Variants in ATAD2B observed in about 807,000 individuals in gnomAD.
The protein encoded by ATAD2B is ATPase family AAA domain containing 2B.
A neutral mutation model predicts 167.6 loss-of-function variants in ATAD2B; 40 were observed. The observed-to-expected ratio is 0.24, with a 90% CI of 0.19 to 0.31. The LOEUF is 0.31. Ranked by LOEUF, ATAD2B falls within the 10% of genes least tolerant of loss-of-function variation. The pLI, the probability that ATAD2B is intolerant of heterozygous loss-of-function variation, is 1.00. For missense variants in ATAD2B, 1,242 were observed against 1,757.2 expected (o/e 0.71, Z 5.24); for synonymous variants, 579 against 596.5 (o/e 0.97, Z 0.43).
Position 23,819,811 on chromosome 2 carries a change from A to G in ATAD2B, c.2203T>C (p.Ser735Pro). ...GATGACTGTTTCTTTGGTGATCCTG[A>G]GTGACAATTGGTCTCAAAAATTGAT... Reference protein sequence around the residue: ...ALSIFETNCHSGSPKKQSSSA... With the variant: ...ALSIFETNCHPGSPKKQSSSA... The change falls in exon 17 of 28, where the codon TCA (serine) becomes CCA (proline). Residue 735 changes from serine (S) to proline (P), a missense_variant. Physicochemically the swap from Ser to Pro is moderately conservative, Grantham distance 74. This residue lies in a region of ATAD2B where 145 missense variants were observed against 181.9 expected (regional missense o/e 0.80). Transcript: ENST00000238789. The G allele has an allele frequency of 6.2e-7, 1 of 1,606,462 alleles. No homozygotes were observed. Among genetic ancestry groups the G allele is most frequent in the Non-Finnish European group, 8.5e-7 (1 of 1,173,386 alleles).
At position 23,859,723 on chromosome 2, in the gene ATAD2B, G is replaced by A. The variant is rs148845335; in HGVS notation, c.1480-2220C>T. Among the ~76,000 whole-genome samples the A allele has an allele frequency of 9.5e-3, 1,445 of 152,066 alleles. 16 individuals carry two copies. Among genetic ancestry groups the A allele is most frequent in the South Asian group, 0.05 (241 of 4,814 alleles). On this transcript the variant is annotated intron_variant, in intron 12 of 27. Transcript: ENST00000238789. ...AGCACTTTGGGAGGTCGAGACAGGC[G>A]GATCTCTTGAGGTCAGAAGTTCGAG...
rs760094499 is a variant in ATAD2B, at chr2:23,926,716, G to A, written c.55C>T (p.Pro19Ser). Residue 19 changes from proline (P) to serine (S), a missense_variant, in exon 1 of 28, where the codon CCC (proline) becomes TCC (serine). Physicochemically the swap from Pro to Ser is moderately conservative, Grantham distance 74. This residue lies in a region of ATAD2B where 199 missense variants were observed against 194.9 expected (regional missense o/e 1.02). Transcript: ENST00000238789. ...LRLLGSKSPG[P>S]GPGPGAGAEP... is the part of the protein sequence containing the mutation. ...GCTCCGGCCCCAGGCCCAGGCCCGGGACCAGGAGACTTGGACCCGAGAAGG... is the reference window on the plus strand; with the variant it reads ...GCTCCGGCCCCAGGCCCAGGCCCGGAACCAGGAGACTTGGACCCGAGAAGG... 11 of 1,549,576 alleles carry A rather than the reference G, an allele frequency of 7.1e-6. No homozygotes were observed. Among genetic ancestry groups the A allele is most frequent in the Non-Finnish European group, 9.6e-6 (11 of 1,146,882 alleles).
chr2:23,812,848 C>CAAAAA (rs71402512), intron 17 of ATAD2B, among the ~76,000 whole-genome samples: 1 of 129,862 alleles, frequency 7.7e-6, no homozygotes, highest in Non-Finnish European at 1.6e-5. Flanking sequence ...GACTCAGTCT[C>CAAAAA]AAAAAAAAAA....
intron 22 of ATAD2B, among the ~76,000 whole-genome samples, chr2:23,774,143 A>C (rs1572695903): frequency 6.6e-6 from 1 of 152,218 alleles, no homozygotes; most frequent in Non-Finnish European, 1.5e-5. Context: ...ATGATTTTTC[A>C]TCCCAAATAA....
At chr2:23,859,874 C>T (rs1432732460) in intron 12 of ATAD2B, among the ~76,000 whole-genome samples, 1 of 151,434 alleles carries the variant, frequency 6.6e-6, no homozygotes, top group African/African-American at 2.4e-5. Flanking sequence ...CGCTTGAACC[C>T]GGGAGACAGA....
At chr2:23,765,715 CAA>C (rs1677314753) in intron 22 of ATAD2B, 87 bp from the exon 23 acceptor site, 2 of 916,358 alleles carry the variant, frequency 2.2e-6, no homozygotes, top group Non-Finnish European at 3.0e-6. Flanking sequence ...AGAATACAAA[CAA>C]AATTATAAAA....
chr2:23,889,213 G>C (rs1415781711), intron 2 of ATAD2B, among the ~76,000 whole-genome samples: 1 of 152,014 alleles, frequency 6.6e-6, no homozygotes, highest in Non-Finnish European at 1.5e-5. Context: ...TGTCGCCCAG[G>C]CTGGAGTACA....
intron 1 of ATAD2B, among the ~76,000 whole-genome samples, chr2:23,922,476 TAA>T (rs1360696532): frequency 3.4e-5 from 5 of 147,018 alleles, no homozygotes; most frequent in Non-Finnish European, 3.0e-5. Context: ...TGGGTAATGA[TAA>T]GAGAGGAAAA....
At chr2:23,730,994 G>A in the ATAD2B span, among the ~76,000 whole-genome samples, 1 of 152,070 alleles carries the variant, frequency 6.6e-6, no homozygotes, top group African/African-American at 2.4e-5. Flanking sequence ...CACTACAGAT[G>A]AAACAGAGAT....
At chr2:23,788,303 T>C in intron 20 of ATAD2B, 2 of 528,144 alleles carry the variant, frequency 3.8e-6, no homozygotes, top group South Asian at 6.6e-5. Flanking sequence ...TAAGAAGAAG[T>C]CCTGTTTAGC....
intron 19 of ATAD2B, among the ~76,000 whole-genome samples, chr2:23,793,688 T>C (rs1682160603): frequency 6.6e-6 from 1 of 152,206 alleles, no homozygotes; most frequent in South Asian, 2.1e-4. Context: ...AACTGTTAGT[T>C]CCTTTTTTCA....
At chr2:23,873,513 T>G (rs1696320950) in intron 8 of ATAD2B, among the ~76,000 whole-genome samples, 2 of 152,218 alleles carry the variant, frequency 1.3e-5, no homozygotes, top group Non-Finnish European at 2.9e-5. Flanking sequence ...TTTTGAAAAT[T>G]TATCAAAGAC....
chr2:23,792,986 A>AAAAAAAC (rs1558540841), intron 19 of ATAD2B, among the ~76,000 whole-genome samples: 1 of 150,318 alleles, frequency 6.7e-6, no homozygotes. Context: ...AAAAAAAAAA[A>AAAAAAAC]AAAACTTGAG....
At chr2:23,801,138 C>G (rs1297588051) in intron 18 of ATAD2B, among the ~76,000 whole-genome samples, 1 of 151,840 alleles carries the variant, frequency 6.6e-6, no homozygotes, top group East Asian at 1.9e-4. Flanking sequence ...AGATTTATAA[C>G]CAGTCTGTTC....
intron 14 of ATAD2B, among the ~76,000 whole-genome samples, chr2:23,833,266 A>T (rs1053083978): frequency 6.6e-6 from 1 of 152,228 alleles, no homozygotes; most frequent in Non-Finnish European, 1.5e-5. Context: ...AAAGCTATAC[A>T]TATTCACATA....
chr2:23,762,248 G>C lies in ATAD2B; in HGVS notation c.3355C>G (p.Pro1119Ala). Reference protein sequence around the residue: ...EEAFRHKQRNPMDVWHNSANK... With the variant: ...EEAFRHKQRNAMDVWHNSANK... ...GCAGAGTTGTGCCACACATCCATTG[G>C]ATTTCTTTGTTTGTGCCGAAATGCC... The change falls in exon 24 of 28, where the codon CCA (proline) becomes GCA (alanine). Residue 1119 changes from proline (P) to alanine (A), a missense_variant. This residue lies in a region of ATAD2B where 204 missense variants were observed against 324.0 expected (regional missense o/e 0.63). Coordinates refer to ENST00000238789, the MANE Select transcript of ATAD2B (RefSeq NM_017552.4). The C allele has an allele frequency of 6.2e-7, 1 of 1,613,492 alleles. No individual in the cohort carries two copies. Among genetic ancestry groups the C allele is most frequent in the Non-Finnish European group, 8.5e-7 (1 of 1,179,706 alleles).
chr2:23,887,339 C>G (rs1235029004), intron 4 of ATAD2B, among the ~76,000 whole-genome samples: 1 of 152,184 alleles, frequency 6.6e-6, no homozygotes, highest in Admixed American at 6.5e-5. Context: ...TGACTACAGT[C>G]TCCAGCCACC....
chr2:23,863,354 A>C, intron 12 of ATAD2B, 27 bp downstream of exon 12: 1 of 1,542,508 alleles, frequency 6.5e-7, no homozygotes, highest in Admixed American at 2.1e-5. Context: ...AACAGAAAAG[A>C]CTCTTGAATT....
rs904446569 is a variant in ATAD2B at position 23,750,342 on chromosome 2, A to G, written c.*1704T>C. On this transcript the variant is annotated 3_prime_UTR_variant, in exon 28 of 28. Coordinates refer to ENST00000238789, the MANE Select transcript of ATAD2B (RefSeq NM_017552.4). ...TAAAAAAAAATTAAGCTAGAATTAG[A>G]AGGCGTTAGATGTAAATGTAAATGC... The G allele has an allele frequency of 2.6e-5, 4 of 152,140 alleles. No homozygotes were observed. Among genetic ancestry groups the G allele is most frequent in the Admixed American group, 6.6e-5 (1 of 15,258 alleles). The allele number at this position is 152,140 out of a possible 1,614,324, so 9.4% of individuals were successfully genotyped here. A position where few individuals can be genotyped will look rare whatever the true frequency, so the allele number is the denominator to read the frequency against.
Sources: allele counts gnomAD v4.1 joint callset (sites outside exome capture counted in the v4.1 genomes callset), GRCh38; gene constraint gnomAD v4.1.1; regional missense constraint gnomAD v4.1.1; transcripts MANE v1.5; gene names NCBI Gene and HGNC (gene_info 2026-07-23, HGNC 2026-07-21).